MTDH: variants seen among roughly 807,000 people sequenced by gnomAD.
MTDH encodes the protein protein LYRIC.
In MTDH, 34 loss-of-function variants were observed where a neutral mutation model predicts 72.7. The ratio of observed to expected loss-of-function variants is 0.47; its 90% CI spans 0.36 to 0.62. The LOEUF (loss-of-function observed/expected upper bound fraction) is 0.62. Ranked by LOEUF, MTDH falls within the 20% of genes least tolerant of loss-of-function variation. MTDH has a pLI of 0.00. For synonymous variants in MTDH, 266 were observed against 268.9 expected, an observed-to-expected ratio of 0.99 and a Z score of 0.10; for missense variants, 677 against 699.4, an observed-to-expected ratio of 0.97 and a Z score of 0.36.
At chr8:97,723,623 G>A (rs1769672910) in intron 11 of MTDH, among the ~76,000 whole-genome samples, 1 of 148,800 alleles carries the variant, frequency 6.7e-6, no homozygotes, top group Admixed American at 6.8e-5. Context: ...GGCACCTGTA[G>A]TCCCAGCTAC....
intron 6 of MTDH, among the ~76,000 whole-genome samples, chr8:97,697,119 C>CAAAAAAAAAAAAAAAAAAAAA (rs1176302781): frequency 3.5e-4 from 22 of 62,920 alleles, no homozygotes; most frequent in Non-Finnish European, 4.8e-4. Context: ...CTCTGTCTCA[C>CAAAAAAAAAAAAAAAAAAAAA]AAAAAAAAAA....
At chr8:97,651,684 G>C (rs760156024) in intron 1 of MTDH, among the ~76,000 whole-genome samples, 7 of 152,186 alleles carry the variant, frequency 4.6e-5, no homozygotes, top group Non-Finnish European at 1.0e-4. Context: ...TAATAATGGG[G>C]AACAACTGTA....
chr8:97,658,363 T>C (rs1041085384), intron 1 of MTDH, among the ~76,000 whole-genome samples: 4 of 152,230 alleles, frequency 2.6e-5, no homozygotes, highest in African/African-American at 9.6e-5. Context: ...AACTGAATGT[T>C]CCTGAATCTG....
chr8:97,682,289 T>A (rs1813169463), intron 2 of MTDH, among the ~76,000 whole-genome samples: 1 of 29,606 alleles, frequency 3.4e-5, no homozygotes, highest in African/African-American at 1.3e-4. Context: ...TATTTTTTTT[T>A]TTTTTTTTTT....
At chr8:97,708,369 C>G (rs1010308145) in intron 8 of MTDH, among the ~76,000 whole-genome samples, 10 of 143,930 alleles carry the variant, frequency 6.9e-5, no homozygotes, top group African/African-American at 2.6e-4. Context: ...GCAACCTCCC[C>G]CTCCCAGGTT....
Position 97,713,668 on chromosome 8 carries a change from G to A in MTDH, c.1279G>A (p.Asp427Asn). 6.3e-7 allele frequency: 1 copy of A among 1,591,214 alleles called. No homozygotes were observed. Residue 427 changes from aspartate (D) to asparagine (N), a missense_variant, in exon 9 of 12, where the codon GAT (aspartate) becomes AAT (asparagine). Transcript: ENST00000336273. Reference sequence around the variant, plus strand: ...TTTTTGCTTTTAACCTAAGGTCTCAGATGATGATAAAGAAAAGGGAGAGGG... The same window carrying A: ...TTTTTGCTTTTAACCTAAGGTCTCAAATGATGATAAAGAAAAGGGAGAGGG... ...EPIPDDQKVS[D>N]DDKEKGEGAL...
intron 2 of MTDH, among the ~76,000 whole-genome samples, chr8:97,669,135 T>C (rs894332904): frequency 1.3e-5 from 2 of 152,192 alleles, no homozygotes; most frequent in Non-Finnish European, 2.9e-5. Flanking sequence ...TCACAGAGTT[T>C]TACAGCTATC....
intron 1 of MTDH, 76 bp downstream of exon 1, chr8:97,644,963 G>T: frequency 6.9e-7 from 1 of 1,439,858 alleles, no homozygotes; most frequent in Non-Finnish European, 9.1e-7. Flanking sequence ...GGGAGGCCGC[G>T]CCCCAGCCGG....
chr8:97,683,979 C>G (rs369719941), intron 2 of MTDH, among the ~76,000 whole-genome samples: 4 of 151,974 alleles, frequency 2.6e-5, no homozygotes, highest in Non-Finnish European at 5.9e-5. Flanking sequence ...GGCATGGTAG[C>G]GCATGCCTGT....
At chr8:97,650,416 A>G (rs1008689999) in intron 1 of MTDH, among the ~76,000 whole-genome samples, 1 of 151,962 alleles carries the variant, frequency 6.6e-6, no homozygotes. Flanking sequence ...CTGGGACTAC[A>G]GACGCACACC....
chr8:97,690,122 G>C lies in MTDH; in HGVS notation c.812-830G>C, dbSNP rs574639323. ...CAATTCTGCTTCAGCCTCCTGAGTA[G>C]CTGGGATTACAGGCACTTGCAACTA... On this transcript the variant is annotated intron_variant, in intron 5 of 11. Coordinates refer to ENST00000336273, the MANE Select transcript of MTDH (RefSeq NM_178812.4). Among the ~76,000 whole-genome samples the C allele has an allele frequency of 5.9e-5, 9 of 151,738 alleles. No homozygotes were observed. In the South Asian group the frequency reaches 1.5e-3, roughly 25 times the overall value.
At chr8:97,680,843 A>G (rs889561877) in intron 2 of MTDH, among the ~76,000 whole-genome samples, 1 of 152,212 alleles carries the variant, frequency 6.6e-6, no homozygotes, top group East Asian at 1.9e-4. Context: ...AGTGCTGATC[A>G]TGAAGCATTC....
intron 1 of MTDH, among the ~76,000 whole-genome samples, chr8:97,646,290 T>C (rs910972347): frequency 1.3e-5 from 2 of 152,142 alleles, no homozygotes; most frequent in Non-Finnish European, 2.9e-5. Context: ...GCAAGATACA[T>C]ATGAAACCTG....
In MTDH at chr8:97,644,623, C is replaced by G. The variant is rs1811486009; in HGVS notation, c.117C>G (p.Asp39Glu). Residue 39 changes from aspartate (D) to glutamate (E), a missense_variant, in exon 1 of 12, where the codon GAC becomes GAG. Coordinates refer to ENST00000336273, the MANE Select transcript of MTDH (RefSeq NM_178812.4). ...TTCTGCGCACCGAGCTGGGCCTCGA[C>G]CTGGGGCTGGAGCCGAAACGGTACC... is the stretch of plus-strand genomic sequence containing the variant. Reference protein sequence around the residue: ...LGFLRTELGLDLGLEPKRYPG... With the variant: ...LGFLRTELGLELGLEPKRYPG... The G allele has an allele frequency of 6.2e-7, 1 of 1,610,150 alleles. No homozygotes were observed. The highest frequency in any genetic ancestry group is 2.2e-5 in the East Asian group (1 of 44,658).
intron 8 of MTDH, among the ~76,000 whole-genome samples, chr8:97,711,337 T>TAAAAAA (rs540690196): frequency 7.7e-6 from 1 of 130,046 alleles, no homozygotes. Flanking sequence ...TATCTCTAAT[T>TAAAAAA]AAAAAAAAAA....
At chr8:97,652,283 C>T (rs1359530698) in intron 1 of MTDH, among the ~76,000 whole-genome samples, 2 of 152,222 alleles carry the variant, frequency 1.3e-5, no homozygotes, top group Non-Finnish European at 2.9e-5. Flanking sequence ...CTGTCATTTG[C>T]TGTTCAGTTC....
chr8:97,703,972 T>G (rs1176773309), intron 7 of MTDH, among the ~76,000 whole-genome samples: 3 of 152,226 alleles, frequency 2.0e-5, no homozygotes, highest in Non-Finnish European at 4.4e-5. Flanking sequence ...TATATTTGTT[T>G]GACATGAAGA....
chr8:97,682,302 T>A (rs1355841621), intron 2 of MTDH, among the ~76,000 whole-genome samples: 1 of 55,460 alleles, frequency 1.8e-5, no homozygotes, highest in East Asian at 5.4e-4. Context: ...TTTTTTTTTT[T>A]TTTTTTTTTT....
intron 6 of MTDH, among the ~76,000 whole-genome samples, chr8:97,693,969 C>T (rs1360161988): frequency 1.3e-5 from 2 of 152,124 alleles, no homozygotes; most frequent in Non-Finnish European, 2.9e-5. Flanking sequence ...CCTGCCTCGG[C>T]TTCTCACAGT....
Sources: allele counts gnomAD v4.1 joint callset (sites outside exome capture counted in the v4.1 genomes callset), GRCh38; gene constraint gnomAD v4.1.1; transcripts MANE v1.5; gene names NCBI Gene and HGNC (gene_info 2026-07-23, HGNC 2026-07-21).